Variants in PINX1 observed in about 807,000 individuals in gnomAD.
PINX1 encodes PIN2/TERF1-interacting telomerase inhibitor 1.
In PINX1, 34 loss-of-function variants were observed where a neutral mutation model predicts 25.4. The observed-to-expected ratio is 1.34, with a 90% CI of 1.02 to 1.78. The LOEUF (loss-of-function observed/expected upper bound fraction) is 1.78. PINX1 is among the 40% of genes most tolerant of loss of function. The pLI, the probability that PINX1 is intolerant of heterozygous loss-of-function variation, is 0.00. For synonymous variants in PINX1, 197 were observed against 147.7 expected (o/e 1.33, Z -2.42); for missense variants, 592 against 404.9 (o/e 1.46, Z -3.97).
chr8:10,790,672 C>G (rs577650019), intron 6 of PINX1, among the ~76,000 whole-genome samples: 5 of 152,288 alleles, frequency 3.3e-5, no homozygotes, highest in African/African-American at 9.6e-5. Flanking sequence ...GGCTCAGGCT[C>G]GGGCTCTGGC....
chr8:10,839,822 A>T lies in PINX1; in HGVS notation c.-66T>A. ...ACTGCGGCCACTGGGCGGGCTGGAG[A>T]CTCCAGGAGAATCAGGACGTGCGTA... On this transcript the variant is annotated 5_prime_UTR_variant, in exon 1 of 7. Coordinates refer to ENST00000314787, the MANE Select transcript of PINX1 (RefSeq NM_017884.6). The T allele has an allele frequency of 6.7e-7, 1 of 1,492,580 alleles. No individual in the cohort carries two copies. The highest frequency in any genetic ancestry group is 1.7e-4 in the Middle Eastern group (1 of 5,858). The allele number at this position is 1,492,580 out of a possible 1,614,324, so 92.5% of individuals were successfully genotyped here. A position where few individuals can be genotyped will look rare whatever the true frequency, so the allele number is the denominator to read the frequency against.
At chr8:10,821,586 C>T (rs73208788) in intron 5 of PINX1, among the ~76,000 whole-genome samples, 3 of 152,036 alleles carry the variant, frequency 2.0e-5, no homozygotes, top group East Asian at 3.9e-4. Context: ...ACCACAGATA[C>T]GGCAGAAAAT....
At chr8:10,808,958 G>A (rs1241956183) in intron 6 of PINX1, among the ~76,000 whole-genome samples, 1 of 152,196 alleles carries the variant, frequency 6.6e-6, no homozygotes, top group Non-Finnish European at 1.5e-5. Context: ...AAGTTTCCTT[G>A]ATATATGAAT....
intron 5 of PINX1, chr8:10,825,330 C>T (rs748324905): frequency 1.3e-5 from 7 of 534,586 alleles, no homozygotes; most frequent in Non-Finnish European, 2.3e-5. Flanking sequence ...GGTAGAAACA[C>T]ATCCAACCTC....
At position 10,839,803 on chromosome 8, in the gene PINX1, G is replaced by A. The variant is rs778223397; in HGVS notation, c.-47C>T. 3 of 1,579,288 alleles carry A rather than the reference G, an allele frequency of 1.9e-6. No homozygotes were observed. The highest frequency in any genetic ancestry group is 1.8e-5 in the Admixed American group (1 of 56,454). On this transcript the variant is annotated 5_prime_UTR_variant, in exon 1 of 7. Transcript: ENST00000314787. ...CCGCCTCTGGACCTGGGTGACTGCG[G>A]CCACTGGGCGGGCTGGAGACTCCAG...
intron 6 of PINX1, among the ~76,000 whole-genome samples, chr8:10,775,228 C>T (rs1179587284): frequency 6.6e-6 from 1 of 152,010 alleles, no homozygotes; most frequent in Non-Finnish European, 1.5e-5. Context: ...TGAAAAAGTA[C>T]AAGAAAGACT....
rs187853501 is a variant in PINX1, at chr8:10,802,117, T to G, written c.471+18076A>C. Reference sequence around the variant, plus strand: ...AAATGAACAAGTTAAAAAGGTAGTTTGGGGGACGGAAGAGCAAAGGGAAAA... The same window carrying G: ...AAATGAACAAGTTAAAAAGGTAGTTGGGGGGACGGAAGAGCAAAGGGAAAA... On this transcript the variant is annotated intron_variant, in intron 6 of 6. Coordinates refer to ENST00000314787, the MANE Select transcript of PINX1 (RefSeq NM_017884.6). Among the ~76,000 whole-genome samples, 558 of 152,120 alleles carry G rather than the reference T, an allele frequency of 3.7e-3. 1 individual carries two copies. The highest frequency in any genetic ancestry group is 7.1e-3 in the Admixed American group (109 of 15,276).
At chr8:10,775,933 G>C (rs537932986) in intron 6 of PINX1, among the ~76,000 whole-genome samples, 111 of 152,116 alleles carry the variant, frequency 7.3e-4, no homozygotes, top group Non-Finnish European at 1.1e-3. Context: ...GCAGCGGGGT[G>C]GGGGCAACCC....
At chr8:10,808,765 T>A (rs1802534703) in intron 6 of PINX1, among the ~76,000 whole-genome samples, 1 of 152,232 alleles carries the variant, frequency 6.6e-6, no homozygotes, top group South Asian at 2.1e-4. Context: ...TTGGTAAACC[T>A]AGATAGTCAA....
intron 5 of PINX1, among the ~76,000 whole-genome samples, chr8:10,825,182 T>C (rs912474344): frequency 5.9e-5 from 9 of 152,180 alleles, no homozygotes; most frequent in African/African-American, 1.9e-4. Context: ...GCATCATCAA[T>C]ACTTCAGAGT....
intron 6 of PINX1, among the ~76,000 whole-genome samples, chr8:10,794,377 G>A (rs1156506472): frequency 6.6e-6 from 1 of 151,442 alleles, no homozygotes; most frequent in Non-Finnish European, 1.5e-5. Flanking sequence ...ATCATATATT[G>A]ACTTAAAATA....
In PINX1 at chr8:10,832,925, G is replaced by A. The variant is rs143225584; in HGVS notation, c.189C>T (p.Asn63=). The stretch of plus-strand genomic sequence containing the variant: ...TGATGGTAGCTCCGAGTCCCAGGTG[G>A]TTATTTTTCACTTGAACTTTAATAT... ...TDHIKVQVKN[N]HLGLGATINN... Residue 63 remains asparagine, a synonymous_variant, in exon 3 of 7, where the codon AAC becomes AAT. Coordinates refer to ENST00000314787, the MANE Select transcript of PINX1 (RefSeq NM_017884.6). 5 of 1,612,116 alleles carry A rather than the reference G, an allele frequency of 3.1e-6. No individual in the cohort carries two copies. The highest frequency in any genetic ancestry group is 4.2e-6 in the Non-Finnish European group (5 of 1,178,714).
At chr8:10,791,264 G>A (rs908231226) in intron 6 of PINX1, among the ~76,000 whole-genome samples, 6 of 152,148 alleles carry the variant, frequency 3.9e-5, no homozygotes, top group African/African-American at 7.2e-5. Context: ...CACCAGAAAA[G>A]TCAAAATTAA....
intron 6 of PINX1, among the ~76,000 whole-genome samples, chr8:10,776,810 G>C (rs961573647): frequency 2.0e-5 from 3 of 152,172 alleles, no homozygotes; most frequent in African/African-American, 7.2e-5. Flanking sequence ...GGAGACGCTG[G>C]AGACGCAGAG....
chr8:10,819,239 T>C (rs1018269124), intron 6 of PINX1, among the ~76,000 whole-genome samples: 3 of 152,204 alleles, frequency 2.0e-5, no homozygotes, highest in African/African-American at 7.2e-5. Flanking sequence ...CTGGTAATTC[T>C]GGACTCCCTA....
intron 1 of PINX1, among the ~76,000 whole-genome samples, chr8:10,838,133 C>A (rs373714264): frequency 9.2e-5 from 14 of 152,314 alleles, no homozygotes; most frequent in African/African-American, 3.4e-4. Context: ...GGTTGGAGTT[C>A]TTAGAACCGG....
At chr8:10,831,149 G>A (rs1394702890) in intron 4 of PINX1, among the ~76,000 whole-genome samples, 1 of 152,230 alleles carries the variant, frequency 6.6e-6, no homozygotes, top group Non-Finnish European at 1.5e-5. Flanking sequence ...GAGGCAACAT[G>A]GTTGAGTTTG....
Position 10,765,812 on chromosome 8 carries a change from C to T in PINX1, c.576G>A (p.Lys192=). The change falls in exon 7 of 7, where the codon AAG becomes AAA. Residue 192 remains lysine, a synonymous_variant. Transcript: ENST00000314787. ...FAKRMAALKN[K]PQVPVPGSDI... The stretch of plus-strand genomic sequence containing the variant: ...CAGACCCTGGAACTGGAACCTGGGG[C>T]TTGTTCTTCAGTGCTGCCATCCGCT... The T allele has an allele frequency of 1.2e-6, 2 of 1,613,966 alleles. No individual in the cohort carries two copies. Among genetic ancestry groups the T allele is most frequent in the African/African-American group, 1.3e-5 (1 of 75,036 alleles).
chr8:10,834,843 C>T (rs1032863018), intron 1 of PINX1, 68 bp from the exon 2 acceptor site: 2 of 1,060,400 alleles, frequency 1.9e-6, no homozygotes, highest in Non-Finnish European at 1.4e-6. Context: ...CAAACATACA[C>T]ATGCACAACT....
Sources: allele counts gnomAD v4.1 joint callset (sites outside exome capture counted in the v4.1 genomes callset), GRCh38; gene constraint gnomAD v4.1.1; transcripts MANE v1.5; gene names NCBI Gene and HGNC (gene_info 2026-07-23, HGNC 2026-07-21).